PAXIP1: variants seen among roughly 807,000 people sequenced by gnomAD.
The protein encoded by PAXIP1 is PAX interacting protein 1.
PAXIP1 carries 19 observed loss-of-function variants against 140.6 expected under a neutral mutation model. That is an observed-to-expected ratio of 0.14 (90% CI 0.09 to 0.20). The LOEUF (loss-of-function observed/expected upper bound fraction) is 0.20. Among genes scored for constraint, PAXIP1 ranks in the 10% least tolerant of loss-of-function variants. The pLI is 1.00. For synonymous variants in PAXIP1, 442 were observed against 444.6 expected (o/e 0.99, Z 0.07); for missense variants, 920 against 1,208.6 (o/e 0.76, Z 3.54).
At chr7:154,950,796 AAAG>A (rs1808238547) in intron 16 of PAXIP1, 1 of 152,272 alleles carries the variant, frequency 6.6e-6, no homozygotes, top group Non-Finnish European at 1.5e-5. Flanking sequence ...TTAGTGCTAA[AAAG>A]AAATGCTTTA....
rs942672561 is a variant in PAXIP1 at position 154,954,440 on chromosome 7, C to T, written c.2653-17G>A. The T allele has an allele frequency of 1.3e-6, 2 of 1,492,442 alleles. No individual in the cohort carries two copies. The highest frequency in any genetic ancestry group is 1.8e-6 in the Non-Finnish European group (2 of 1,105,018). 92.4% of individuals were successfully genotyped at this position (1,492,442 alleles called of 1,614,324 possible). On this transcript the variant is annotated splice_polypyrimidine_tract_variant and intron_variant, in intron 15 of 20. Transcript: ENST00000404141. The surrounding 1 kb of genome is among the most constrained non-coding windows in gnomAD (Gnocchi z 5.1). ...GTAGAGCTTCTAAAGGTCACAAACA[C>T]AGGTCGGAAATGAAAAAGTTCAGCA...
Position 154,962,353 on chromosome 7 carries a change from A to G in PAXIP1, c.2095T>C (p.Phe699Leu). Residue 699 changes from phenylalanine (F) to leucine (L), a missense_variant, in exon 10 of 21, where the codon TTC (phenylalanine) becomes CTC (leucine). By Grantham distance (22) the Phe-to-Leu change is conservative. This residue lies in a region of PAXIP1 where 303 missense variants were observed against 517.9 expected (regional missense o/e 0.59). Transcript: ENST00000404141. ...PHRALHFPVA[F>L]PPGGKPCSQH... ...GAACATGGCTTTCCTCCTGGTGGGA[A>G]GGCCACTGGGAAGTGAAGGGCTCGG... 6.2e-7 allele frequency: 1 copy of G among 1,613,976 alleles called. No homozygotes were observed. The highest frequency in any genetic ancestry group is 1.3e-5 in the African/African-American group (1 of 75,046).
chr7:154,947,730 G>A (rs1808060493), intron 17 of PAXIP1, 173 bp downstream of exon 17: 1 of 615,164 alleles, frequency 1.6e-6, no homozygotes, highest in Non-Finnish European at 3.0e-6. Flanking sequence ...GTGGTTCACA[G>A]GAGGAAGACC....
chr7:154,944,149 T>C lies in PAXIP1; in HGVS notation c.3210A>G (p.Ter1070TrpextTer49). ...GACATGCACGGCAGCCTAGACGCCA[T>C]CAGTTAAACTTATATGTAGGCTTGT... ...TLDYESYKFN[*>W] is the part of the protein sequence containing the mutation. The change falls in exon 21 of 21, where the codon TGA becomes TGG. Residue 1070 changes from the stop codon to tryptophan, a stop_lost. Coordinates refer to ENST00000404141, the MANE Select transcript of PAXIP1 (RefSeq NM_007349.4). The C allele has an allele frequency of 6.2e-7, 1 of 1,610,924 alleles. No individual in the cohort carries two copies. The highest frequency in any genetic ancestry group is 8.5e-7 in the Non-Finnish European group (1 of 1,178,126).
In PAXIP1 at chr7:154,998,346, T is replaced by C. The variant is rs550461261; in HGVS notation, c.216+304A>G. 5.3e-5 allele frequency among the ~76,000 whole-genome samples: 8 copies of C among 152,130 alleles called. No homozygotes were observed. The South Asian group carries it at 1.0e-3, about 20-fold the overall frequency. On this transcript the variant is annotated intron_variant, in intron 2 of 20. Transcript: ENST00000404141. ...CAACATGTTGAAACCCTGTCTCTACTAGAATACAAAAATTAGCCAGGCGTG... is the reference window on the plus strand; with the variant it reads ...CAACATGTTGAAACCCTGTCTCTACCAGAATACAAAAATTAGCCAGGCGTG...
At chr7:154,998,886 AACAC>A (rs1015413910) in intron 1 of PAXIP1, 102 bp from the exon 2 acceptor site, 2 of 970,378 alleles carry the variant, frequency 2.1e-6, no homozygotes, top group African/African-American at 3.3e-5. Context: ...TTTTAATAAA[AACAC>A]ACCATATTCC....
At chr7:154,948,116 C>G in intron 16 of PAXIP1, 113 bp from the exon 17 acceptor site, 1 of 734,054 alleles carries the variant, frequency 1.4e-6, no homozygotes, top group South Asian at 1.4e-5. Flanking sequence ...GCTACATTTA[C>G]CTGTACAGCC....
At chr7:154,962,071 G>T (rs1808777833) in intron 10 of PAXIP1, among the ~76,000 whole-genome samples, 1 of 152,146 alleles carries the variant, frequency 6.6e-6, no homozygotes, top group African/African-American at 2.4e-5. Context: ...TTTATTTTTG[G>T]ATTTTAAATA....
In PAXIP1 at chr7:154,946,533, C is replaced by G. The variant is rs1226673230; in HGVS notation, c.3112G>C (p.Glu1038Gln). The part of the protein sequence containing the change: ...SCENDLHLCR[E>Q]YFARGIDVHN... ...GTACCTATGCCTCTGGCAAAATATT[C>G]TCGGCATAAATGAAGGTCATTTTCA... is the stretch of plus-strand genomic sequence containing the variant. Residue 1038 changes from glutamate (E) to glutamine (Q), a missense_variant, in exon 19 of 21, where the codon GAA becomes CAA. Glu to Gln is a conservative substitution (Grantham distance 29, BLOSUM62 2). This residue lies in a region of PAXIP1 where 303 missense variants were observed against 517.9 expected (regional missense o/e 0.59). Coordinates refer to ENST00000404141, the MANE Select transcript of PAXIP1 (RefSeq NM_007349.4). The surrounding 1 kb of genome is among the most constrained non-coding windows in gnomAD (Gnocchi z 4.9). The G allele has an allele frequency of 5.0e-6, 8 of 1,613,874 alleles. No homozygotes were observed. The highest frequency in any genetic ancestry group is 6.8e-6 in the Non-Finnish European group (8 of 1,179,872).
At chr7:154,975,545 CACACA>C in intron 6 of PAXIP1, 146 bp downstream of exon 6, 3 of 611,528 alleles carry the variant, frequency 4.9e-6, no homozygotes, top group Non-Finnish European at 8.7e-6. Flanking sequence ...CACACACACA[CACACA>C]CACACAAGTA....
At chr7:155,001,159 ACT>A (rs1207499058) in intron 1 of PAXIP1, 1 of 152,204 alleles carries the variant, frequency 6.6e-6, no homozygotes, top group Non-Finnish European at 1.5e-5. Context: ...CAGAAAATAT[ACT>A]GTTTCAGATG....
In PAXIP1 at chr7:154,968,961, GCTGCTGCTGCTGCTGCTGGGC is replaced by G. The variant is rs1482799468; in HGVS notation, c.1219_1239del (p.Ala407_Gln413del). 3 of 1,231,958 alleles carry G rather than the reference GCTGCTGCTGCTGCTGCTGGGC, an allele frequency of 2.4e-6. No individual in the cohort carries two copies. The highest frequency in any genetic ancestry group is 1.5e-5 in the African/African-American group (1 of 67,278). The allele number at this position is 1,231,958 out of a possible 1,614,324, so 76.3% of individuals were successfully genotyped here. A position where few individuals can be genotyped will look rare whatever the true frequency, so the allele number is the denominator to read the frequency against. On this transcript the variant is annotated inframe_deletion, in exon 7 of 21. Transcript: ENST00000404141. ...TGGGGCTGAAGGTGTAAAACCGGGT[GCTGCTGCTGCTGCTGCTGGGC>G]CTGCTGCTGCTGCTGTAGCATGTGT... is the stretch of plus-strand genomic sequence containing the variant.
chr7:154,977,845 A>C (rs1349989850), intron 5 of PAXIP1, among the ~76,000 whole-genome samples: 3 of 150,830 alleles, frequency 2.0e-5, no homozygotes, highest in Non-Finnish European at 4.4e-5. Context: ...TATTGTGAAC[A>C]ACCTCTTCCT....
rs186631313 is a variant in PAXIP1, at chr7:154,993,311, C to T, written c.260+415G>A. ...AGCACAGGTGCACTGAATTAATAATCGTTCTACCCAATGCAATTAAAAGGA... is the reference window on the plus strand; with the variant it reads ...AGCACAGGTGCACTGAATTAATAATTGTTCTACCCAATGCAATTAAAAGGA... On this transcript the variant is annotated intron_variant, in intron 3 of 20. Transcript: ENST00000404141. Among the ~76,000 whole-genome samples, 93 of 152,340 alleles carry T rather than the reference C, an allele frequency of 6.1e-4. No homozygotes were observed. The East Asian group carries it at 0.011, about 18-fold the overall frequency.
At position 155,003,056 on chromosome 7, in the gene PAXIP1, TC is replaced by T. The variant is rs1326048178; in HGVS notation, c.-128del. ...CCCTGCCCGCGCAGCCCGGGCCCGGTCCTGCGAATCGGGGTCCGCTCCCCCG... is the reference window on the plus strand; with the variant it reads ...CCCTGCCCGCGCAGCCCGGGCCCGGTCTGCGAATCGGGGTCCGCTCCCCCG... On this transcript the variant is annotated 5_prime_UTR_variant, in exon 1 of 21. Coordinates refer to ENST00000404141, the MANE Select transcript of PAXIP1 (RefSeq NM_007349.4). 2.6e-5 allele frequency: 6 copies of T among 230,132 alleles called. No homozygotes were observed. The highest frequency in any genetic ancestry group is 1.3e-4 in the African/African-American group (5 of 39,468). The allele number at this position is 230,132 out of a possible 1,614,324, so 14.3% of individuals were successfully genotyped here.
At chr7:154,993,500 G>A (rs146336342) in intron 3 of PAXIP1, among the ~76,000 whole-genome samples, 21 of 152,148 alleles carry the variant, frequency 1.4e-4, no homozygotes, top group African/African-American at 4.3e-4. Flanking sequence ...TCCAGTTCCC[G>A]GCCTAGAGTT....
At chr7:155,001,033 T>C (rs1225547390) in intron 1 of PAXIP1, 1 of 152,246 alleles carries the variant, frequency 6.6e-6, no homozygotes, top group Non-Finnish European at 1.5e-5. Flanking sequence ...CCTCTTCACC[T>C]CTGTATTATA....
chr7:154,999,794 G>A (rs1307525745), intron 1 of PAXIP1, among the ~76,000 whole-genome samples: 2 of 152,174 alleles, frequency 1.3e-5, no homozygotes, highest in Non-Finnish European at 2.9e-5. Context: ...CTCCCTGACA[G>A]AAAGTCATCA....
intron 4 of PAXIP1, among the ~76,000 whole-genome samples, chr7:154,990,229 C>T (rs760724234): frequency 3.9e-5 from 6 of 151,926 alleles, no homozygotes; most frequent in South Asian, 4.1e-4. Flanking sequence ...TTAGTAGAGA[C>T]GGGGTTTCGC....
Sources: allele counts gnomAD v4.1 joint callset (sites outside exome capture counted in the v4.1 genomes callset), GRCh38; gene constraint gnomAD v4.1.1; regional missense constraint gnomAD v4.1.1; non-coding constraint Gnocchi (gnomAD v3.1); transcripts MANE v1.5; gene names NCBI Gene and HGNC (gene_info 2026-07-23, HGNC 2026-07-21).